The following MYT1L variants were observed in gnomAD, a reference collection of about 807,000 sequenced individuals.
The protein encoded by MYT1L is myelin transcription factor 1 like, also known as myelin transcription factor 1-like protein.
A neutral mutation model predicts 126.7 loss-of-function variants in MYT1L; 12 were observed. That is an observed-to-expected ratio of 0.09 (90% confidence interval 0.06 to 0.15). The LOEUF is 0.15. MYT1L is among the 10% of genes least tolerant of loss of function. The pLI is 1.00. For missense variants in MYT1L, 979 were observed against 1,585.2 expected (o/e 0.62, Z 6.49); for synonymous variants, 541 against 604.2 (o/e 0.90, Z 1.53).
intron 3 of MYT1L, among the ~76,000 whole-genome samples, chr2:2,159,373 C>A (rs1007524593): frequency 1.3e-5 from 2 of 152,124 alleles, no homozygotes; most frequent in African/African-American, 2.4e-5. Flanking sequence ...ACTGCAAATG[C>A]GTGTTTTAAT....
chr2:2,242,437 A>G (rs1281272961), intron 2 of MYT1L, among the ~76,000 whole-genome samples: 1 of 152,256 alleles, frequency 6.6e-6, no homozygotes, highest in Admixed American at 6.5e-5. Flanking sequence ...CTTTAGCTAG[A>G]AGAAAATGTC....
In MYT1L at chr2:1,791,087, C is replaced by A; in HGVS notation, c.*780G>T. On this transcript the variant is annotated 3_prime_UTR_variant, in exon 25 of 25. Coordinates refer to ENST00000647738, the MANE Select transcript of MYT1L (RefSeq NM_001303052.2). This position sits in a 1 kb window ranked among gnomAD's most constrained non-coding sequence, Gnocchi z 6.0. The stretch of plus-strand genomic sequence containing the variant: ...AGTTTCCATAGTCACAACCATGTAA[C>A]GCTTAGGAGTTAATTTAAAAGTGCT... 2.5e-6 allele frequency: 1 copy of A among 393,460 alleles called. No homozygotes were observed. The highest frequency in any genetic ancestry group is 5.1e-6 in the Non-Finnish European group (1 of 194,960). The allele number at this position is 393,460 out of a possible 1,614,324, so 24.4% of individuals were successfully genotyped here.
chr2:1,809,741 A>C (rs2036290489), intron 21 of MYT1L: 1 of 152,620 alleles, frequency 6.6e-6, no homozygotes, highest in African/African-American at 2.4e-5. Flanking sequence ...CCAGTTTTCT[A>C]GTATCAGCAG....
At chr2:1,819,051 C>A (rs1032608069) in intron 21 of MYT1L, among the ~76,000 whole-genome samples, 2 of 152,126 alleles carry the variant, frequency 1.3e-5, no homozygotes, top group Non-Finnish European at 2.9e-5. Flanking sequence ...GTCCACCTGC[C>A]TCAGGAAACA....
intron 9 of MYT1L, among the ~76,000 whole-genome samples, chr2:1,941,098 A>G (rs35964969): frequency 0.03 from 4,561 of 152,346 alleles, 93 homozygotes; most frequent in Non-Finnish European, 0.046. Context: ...AGCTATTTCA[A>G]TAAGGCTTCT....
At chr2:1,799,309 G>A (rs545103025) in intron 23 of MYT1L, among the ~76,000 whole-genome samples, 67 of 152,308 alleles carry the variant, frequency 4.4e-4, no homozygotes, top group Non-Finnish European at 7.3e-4. Context: ...GGCCACGCCC[G>A]TGCAGGTGCA....
At chr2:2,310,060 C>T (rs1186930266) in intron 1 of MYT1L, among the ~76,000 whole-genome samples, 6 of 152,026 alleles carry the variant, frequency 3.9e-5, no homozygotes, top group African/African-American at 1.4e-4. Context: ...TATGTAGACT[C>T]CACCTACACT....
At position 1,890,150 on chromosome 2, in the gene MYT1L, A is replaced by G. The variant is rs780033229; in HGVS notation, c.2284-673T>C. ...AGTGGCACGACCTGGGCTCACTGCA[A>G]CCTCCACCTCCCAGGTTCAAGCAAT... On this transcript the variant is annotated intron_variant, in intron 15 of 24. Transcript: ENST00000647738. Among the ~76,000 whole-genome samples, 170 of 151,748 alleles carry G rather than the reference A, an allele frequency of 1.1e-3. 2 individuals carry two copies. The highest frequency in any genetic ancestry group is 1.9e-3 in the South Asian group (9 of 4,800).
chr2:2,178,731 G>A (rs1466836714), intron 2 of MYT1L, among the ~76,000 whole-genome samples: 2 of 152,092 alleles, frequency 1.3e-5, no homozygotes, highest in Non-Finnish European at 2.9e-5. Flanking sequence ...GAAAGCAATC[G>A]TAAGGATAGT....
chr2:1,853,632 AT>A (rs925023729), intron 18 of MYT1L, among the ~76,000 whole-genome samples: 1 of 152,146 alleles, frequency 6.6e-6, no homozygotes, highest in Non-Finnish European at 1.5e-5. Context: ...CAAGAAACAA[AT>A]TTTTCCTACC....
chr2:2,171,564 C>A (rs769525133), intron 3 of MYT1L, among the ~76,000 whole-genome samples: 7 of 152,128 alleles, frequency 4.6e-5, no homozygotes, highest in Non-Finnish European at 1.0e-4. Context: ...GCTTCTGAAG[C>A]CAAGTATGCA....
intron 4 of MYT1L, among the ~76,000 whole-genome samples, chr2:2,026,378 G>A (rs938402354): frequency 6.6e-6 from 1 of 152,176 alleles, no homozygotes; most frequent in Admixed American, 6.5e-5. Flanking sequence ...CCAGGAGGGA[G>A]ACTGGAGGGT....
chr2:1,979,596 C>A lies in MYT1L; in HGVS notation c.56-42G>T. 2 of 1,608,078 alleles carry A rather than the reference C, an allele frequency of 1.2e-6. No individual in the cohort carries two copies. The highest frequency in any genetic ancestry group is 1.7e-6 in the Non-Finnish European group (2 of 1,174,510). ...ATAGATAAAAATTTACCATCTATCA[C>A]AAGCGACCCTCTTCCACAGAAAATT... On this transcript the variant is annotated intron_variant, in intron 6 of 24. Transcript: ENST00000647738. The surrounding 1 kb of genome is among the most constrained non-coding windows in gnomAD (Gnocchi z 4.0).
intron 3 of MYT1L, among the ~76,000 whole-genome samples, chr2:2,119,154 T>A (rs144278622): frequency 3.3e-5 from 5 of 152,242 alleles, no homozygotes; most frequent in Non-Finnish European, 7.3e-5. Context: ...TCACGTACAT[T>A]TTTCAAAGGT....
rs1463288333 is a variant in MYT1L at position 2,190,073 on chromosome 2, A to G, written c.-420-17085T>C. 5.3e-5 allele frequency among the ~76,000 whole-genome samples: 8 copies of G among 152,350 alleles called. No homozygotes were observed. The East Asian group carries it at 1.5e-3, about 29-fold the overall frequency. ...GTTTCTCCTCTCTCCCATAGGGCTCATCCTTCGCTTTCTGTATTGGCCCTG... is the reference window on the plus strand; with the variant it reads ...GTTTCTCCTCTCTCCCATAGGGCTCGTCCTTCGCTTTCTGTATTGGCCCTG... On this transcript the variant is annotated intron_variant, in intron 2 of 24. Transcript: ENST00000647738.
intron 3 of MYT1L, among the ~76,000 whole-genome samples, chr2:2,061,872 C>T (rs2070557866): frequency 1.3e-5 from 2 of 152,210 alleles, no homozygotes; most frequent in Admixed American, 1.3e-4. Context: ...AATACCTCTA[C>T]ATGGCTGATT....
intron 23 of MYT1L, among the ~76,000 whole-genome samples, chr2:1,794,513 A>G (rs1030348231): frequency 6.6e-6 from 1 of 152,168 alleles, no homozygotes; most frequent in African/African-American, 2.4e-5. Context: ...CGGAAGTCCA[A>G]CTGCTCCCCC....
intron 4 of MYT1L, among the ~76,000 whole-genome samples, chr2:2,016,046 G>A (rs527636332): frequency 6.6e-6 from 1 of 152,332 alleles, no homozygotes; most frequent in Non-Finnish European, 1.5e-5. Context: ...TTAATAAAAT[G>A]TCAACTTAGG....
At chr2:1,833,831 C>T (rs979780825) in intron 21 of MYT1L, among the ~76,000 whole-genome samples, 14 of 143,922 alleles carry the variant, frequency 9.7e-5, no homozygotes, top group African/African-American at 3.8e-4. Flanking sequence ...GCTCAGGGAG[C>T]AGGATCGGGG....
Sources: gnomAD v4.1 joint callset for allele counts (sites outside exome capture counted in the v4.1 genomes callset) on GRCh38, gnomAD v4.1.1 for gene constraint, Gnocchi (gnomAD v3.1) non-coding constraint, MANE v1.5 for transcripts, NCBI Gene and HGNC (gene_info 2026-07-23, HGNC 2026-07-21) for gene names.